Variants in PBX1 observed in about 807,000 individuals in gnomAD.
PBX1 encodes pre-B-cell leukemia transcription factor 1.
PBX1 carries 6 observed loss-of-function variants against 53.4 expected under a neutral mutation model. The ratio of observed to expected loss-of-function variants is 0.11; its 90% CI spans 0.06 to 0.22. PBX1 has a LOEUF of 0.22. PBX1 is among the 10% of genes least tolerant of loss of function. The probability of loss-of-function intolerance (pLI) is 1.00; values close to 1 mark genes in which losing one functional copy is unlikely to be tolerated. For missense variants in PBX1, 251 were observed against 551.4 expected (o/e 0.46, Z 5.46); for synonymous variants, 204 against 212.3 (o/e 0.96, Z 0.34).
intron 2 of PBX1, among the ~76,000 whole-genome samples, chr1:164,632,100 A>G (rs1658447004): frequency 6.6e-6 from 1 of 152,102 alleles, no homozygotes; most frequent in Non-Finnish European, 1.5e-5. Flanking sequence ...GATTCCCTTC[A>G]CACCACCCCC....
intron 2 of PBX1, among the ~76,000 whole-genome samples, chr1:164,677,404 A>G (rs1033735722): frequency 1.1e-4 from 16 of 151,948 alleles, no homozygotes; most frequent in African/African-American, 3.1e-4. Flanking sequence ...ACTGCTTGAC[A>G]TTTTACAAAA....
intron 2 of PBX1, among the ~76,000 whole-genome samples, chr1:164,861,488 A>T (rs964654253): frequency 6.6e-6 from 1 of 152,186 alleles, no homozygotes; most frequent in Non-Finnish European, 1.5e-5. Context: ...CTTAGCAAAT[A>T]TTGAACAAAT....
chr1:164,655,223 C>T (rs1660091661), intron 2 of PBX1, among the ~76,000 whole-genome samples: 1 of 151,794 alleles, frequency 6.6e-6, no homozygotes, highest in Admixed American at 6.6e-5. Context: ...AAGTGATTCT[C>T]CTGCCTCAGC....
chr1:164,685,519 C>G (rs1662045590), intron 2 of PBX1, among the ~76,000 whole-genome samples: 2 of 152,160 alleles, frequency 1.3e-5, no homozygotes, highest in South Asian at 4.1e-4. Context: ...CACTCGGTCC[C>G]CCTTCCCACC....
In PBX1 at chr1:164,847,540, AG is replaced by A; in HGVS notation, c.*866del. ...CCTATTGCAAAACTGGGCCTGAGTTAGGCATGGTGATGAATGCATCAGCAAG... is the reference window on the plus strand; with the variant it reads ...CCTATTGCAAAACTGGGCCTGAGTTAGCATGGTGATGAATGCATCAGCAAG... On this transcript the variant is annotated 3_prime_UTR_variant, in exon 9 of 9. Coordinates refer to ENST00000420696, the MANE Select transcript of PBX1 (RefSeq NM_002585.4). 9.4e-7 allele frequency: 1 copy of A among 1,062,620 alleles called. No individual in the cohort carries two copies. The highest frequency in any genetic ancestry group is 1.1e-6 in the Non-Finnish European group (1 of 877,606). The allele number at this position is 1,062,620 out of a possible 1,614,324, so 65.8% of individuals were successfully genotyped here.
intron 2 of PBX1, among the ~76,000 whole-genome samples, chr1:164,584,760 G>A (rs1654840579): frequency 6.6e-6 from 1 of 152,168 alleles, no homozygotes; most frequent in Non-Finnish European, 1.5e-5. Context: ...CAACCTTCCA[G>A]TGGGAGAGGC....
intron 3 of PBX1, among the ~76,000 whole-genome samples, chr1:164,793,872 C>CTTTTTTTT (rs72414989): frequency 7.3e-4 from 57 of 78,208 alleles, no homozygotes; most frequent in African/African-American, 9.1e-4. Context: ...TTTTTCCTTT[C>CTTTTTTTT]TTTTTTTTTT....
chr1:164,583,713 A>C (rs919833023), intron 2 of PBX1, among the ~76,000 whole-genome samples: 2 of 152,206 alleles, frequency 1.3e-5, no homozygotes, highest in South Asian at 2.1e-4. Flanking sequence ...TGCTACACTT[A>C]TTAGAAATAA....
chr1:164,700,287 T>A (rs933550689), intron 2 of PBX1, among the ~76,000 whole-genome samples: 17 of 152,264 alleles, frequency 1.1e-4, no homozygotes, highest in Admixed American at 1.3e-4. Flanking sequence ...ATCAGAGAGC[T>A]TGGCAGCTCC....
intron 2 of PBX1, among the ~76,000 whole-genome samples, chr1:164,691,379 C>T (rs1404297505): frequency 6.6e-6 from 1 of 152,124 alleles, no homozygotes; most frequent in Non-Finnish European, 1.5e-5. Context: ...ATATCACATC[C>T]TGACATAATA....
At chr1:164,702,427 T>C (rs112609250) in intron 2 of PBX1, among the ~76,000 whole-genome samples, 215 of 152,286 alleles carry the variant, frequency 1.4e-3, no homozygotes, top group African/African-American at 5.0e-3. Flanking sequence ...ACTGCTATGT[T>C]TATAGACATC....
intron 2 of PBX1, among the ~76,000 whole-genome samples, chr1:164,691,990 G>T (rs1047983154): frequency 6.6e-6 from 1 of 152,142 alleles, no homozygotes; most frequent in African/African-American, 2.4e-5. Context: ...AGATACAAAT[G>T]AATCTTGTGT....
At chr1:164,599,047 T>C (rs1655968481) in intron 2 of PBX1, among the ~76,000 whole-genome samples, 1 of 150,210 alleles carries the variant, frequency 6.7e-6, no homozygotes, top group Non-Finnish European at 1.5e-5. Flanking sequence ...ACCAGATTTA[T>C]TTTCTGTCTC....
intron 2 of PBX1, among the ~76,000 whole-genome samples, chr1:164,871,388 C>T (rs1435166170): frequency 6.6e-6 from 1 of 152,094 alleles, no homozygotes; most frequent in East Asian, 1.9e-4. Context: ...CTTATTGGCC[C>T]AATAAAGCAG....
chr1:164,745,257 T>C (rs1665831729), intron 2 of PBX1, among the ~76,000 whole-genome samples: 1 of 152,200 alleles, frequency 6.6e-6, no homozygotes. Flanking sequence ...AATTACTGAA[T>C]TCTCTCTTTT....
At position 164,807,748 on chromosome 1, in the gene PBX1, G is replaced by A. The variant is rs1052571893; in HGVS notation, c.837+71G>A. On this transcript the variant is annotated intron_variant, in intron 5 of 8. Transcript: ENST00000420696. ...GGGCCTCCGGGGCAGGCTCTTAGAG[G>A]TCTTGCTTTACTGGACATTCATGCC... 6 of 1,549,284 alleles carry A rather than the reference G, an allele frequency of 3.9e-6. No individual in the cohort carries two copies. In the African/African-American group the frequency reaches 8.3e-5, roughly 21 times the overall value.
chr1:164,781,259 A>G (rs1445794013), intron 2 of PBX1, among the ~76,000 whole-genome samples: 1 of 152,176 alleles, frequency 6.6e-6, no homozygotes, highest in Admixed American at 6.5e-5. Context: ...AAATAGACCC[A>G]GTGTCCTTCA....
At chr1:164,624,385 G>A (rs1239402935) in intron 2 of PBX1, among the ~76,000 whole-genome samples, 1 of 152,172 alleles carries the variant, frequency 6.6e-6, no homozygotes, top group East Asian at 1.9e-4. Context: ...ATTGGTAGGA[G>A]TAAAACAAGG....
In PBX1 at chr1:164,563,259, C is replaced by T; in HGVS notation, c.213C>T (p.His71=). ...GCAGAAAACATGCTTTAAACTGCCA[C>T]AGAATGAAGCCTGCCTTGTTTAATG... ...AQARKHALNC[H]RMKPALFNVL... The change falls in exon 2 of 9, where the codon CAC becomes CAT. Residue 71 remains histidine (H), a synonymous_variant. Coordinates refer to ENST00000420696, the MANE Select transcript of PBX1 (RefSeq NM_002585.4). 1 of 1,611,064 alleles carries T rather than the reference C, an allele frequency of 6.2e-7. No homozygotes were observed. Among genetic ancestry groups the T allele is most frequent in the Non-Finnish European group, 8.5e-7 (1 of 1,178,042 alleles).
Sources: gnomAD v4.1 joint callset for allele counts (sites outside exome capture counted in the v4.1 genomes callset) on GRCh38, gnomAD v4.1.1 for gene constraint, MANE v1.5 for transcripts, NCBI Gene and HGNC (gene_info 2026-07-23, HGNC 2026-07-21) for gene names.